DLGAP2: variants seen among roughly 807,000 people sequenced by gnomAD.
DLGAP2 encodes the protein disks large-associated protein 2.
In DLGAP2, 26 loss-of-function variants were observed where a neutral mutation model predicts 100.3. The observed-to-expected ratio is 0.26, with a 90% CI of 0.19 to 0.36. The LOEUF is 0.36. Among genes scored for constraint, DLGAP2 ranks in the 10% least tolerant of loss-of-function variants. The pLI is 1.00. For missense variants in DLGAP2, 1,858 were observed against 1,453.2 expected, an observed-to-expected ratio of 1.28 and a Z score of -4.53; for synonymous variants, 886 against 630.1, an observed-to-expected ratio of 1.41 and a Z score of -6.08.
intron 3 of DLGAP2, among the ~76,000 whole-genome samples, chr8:1,350,001 A>G (rs1456575904): frequency 6.6e-6 from 1 of 152,210 alleles, no homozygotes; most frequent in Non-Finnish European, 1.5e-5. Context: ...AACAACACAT[A>G]TAACCTTACA....
chr8:976,788 C>A (rs143676184), intron 2 of DLGAP2, among the ~76,000 whole-genome samples: 18 of 152,164 alleles, frequency 1.2e-4, no homozygotes, highest in African/African-American at 4.1e-4. Flanking sequence ...AAAAACATAA[C>A]TGAAAATAGA....
intron 2 of DLGAP2, among the ~76,000 whole-genome samples, chr8:1,222,164 G>C (rs1483468705): frequency 2.6e-5 from 4 of 152,206 alleles, no homozygotes; most frequent in South Asian, 2.1e-4. Context: ...CTGGCTTTTA[G>C]AGTTACCAGA....
At chr8:1,213,556 G>A (rs189434074) in intron 2 of DLGAP2, among the ~76,000 whole-genome samples, 2 of 152,258 alleles carry the variant, frequency 1.3e-5, no homozygotes, top group East Asian at 3.9e-4. Flanking sequence ...GTATTCCTAA[G>A]ATTGCTGGGT....
At chr8:1,349,150 G>A (rs181684641) in intron 3 of DLGAP2, among the ~76,000 whole-genome samples, 9 of 150,946 alleles carry the variant, frequency 6.0e-5, no homozygotes, top group Non-Finnish European at 1.0e-4. Flanking sequence ...TTCCCTTCCC[G>A]TTCACCTAAA....
intron 3 of DLGAP2, among the ~76,000 whole-genome samples, chr8:1,484,898 C>A (rs1012723787): frequency 6.6e-6 from 1 of 152,216 alleles, no homozygotes; most frequent in Non-Finnish European, 1.5e-5. Context: ...AGCCCCCTCC[C>A]CTTCCTGCTC....
At chr8:973,784 A>T (rs1800086522) in intron 2 of DLGAP2, among the ~76,000 whole-genome samples, 1 of 151,978 alleles carries the variant, frequency 6.6e-6, no homozygotes, top group East Asian at 1.9e-4. Flanking sequence ...GCGGAGGCGA[A>T]TCCGGAGCGC....
At chr8:1,338,562 TCTTGCACAC>T (rs771440961) in intron 3 of DLGAP2, among the ~76,000 whole-genome samples, 12 of 152,232 alleles carry the variant, frequency 7.9e-5, no homozygotes, top group Non-Finnish European at 1.6e-4. Flanking sequence ...TAGCGGTGAT[TCTTGCACAC>T]CTTTGTGAAT....
At chr8:1,089,153 T>C (rs1192717617) in intron 2 of DLGAP2, among the ~76,000 whole-genome samples, 1 of 143,064 alleles carries the variant, frequency 7.0e-6, no homozygotes, top group African/African-American at 2.7e-5. Context: ...TATGCAATTC[T>C]CGCTCCCCGG....
intron 3 of DLGAP2, among the ~76,000 whole-genome samples, chr8:1,478,585 C>A (rs192250609): frequency 3.3e-5 from 5 of 152,196 alleles, no homozygotes; most frequent in African/African-American, 4.8e-5. Flanking sequence ...AGATCTGGTC[C>A]GGGACGCGGC....
chr8:1,323,802 C>T (rs1458709174), intron 3 of DLGAP2, among the ~76,000 whole-genome samples: 3 of 152,222 alleles, frequency 2.0e-5, no homozygotes, highest in South Asian at 2.1e-4. Context: ...AAGAGTTTCA[C>T]ATCGTGTTTC....
At chr8:1,422,980 C>T (rs1394451132) in intron 3 of DLGAP2, among the ~76,000 whole-genome samples, 4 of 152,084 alleles carry the variant, frequency 2.6e-5, no homozygotes, top group African/African-American at 7.2e-5. Context: ...GTGCAGGTGG[C>T]CTGGTATATG....
chr8:795,858 CA>C lies in DLGAP2; in HGVS notation c.18+58034del. Among the ~76,000 whole-genome samples, 3 of 131,284 alleles carry C rather than the reference CA, an allele frequency of 2.3e-5. 1 individual carries two copies. The highest frequency in any genetic ancestry group is 3.3e-5 in the Non-Finnish European group (2 of 60,942). The allele number at this position is 131,284 out of a possible 152,430, so 86.1% of individuals were successfully genotyped here. Reference sequence around the variant, plus strand: ...CAGCTGTCCGGTGAGAGCAGGCGTCCAGTGAGAGCAGGCGTCCAGTGAGAGC... The same window carrying C: ...CAGCTGTCCGGTGAGAGCAGGCGTCCGTGAGAGCAGGCGTCCAGTGAGAGC... On this transcript the variant is annotated intron_variant, in intron 1 of 14. Coordinates refer to ENST00000637795, the MANE Select transcript of DLGAP2 (RefSeq NM_001346810.2).
chr8:916,478 A>G (rs1798596028), intron 2 of DLGAP2, among the ~76,000 whole-genome samples: 1 of 152,220 alleles, frequency 6.6e-6, no homozygotes, highest in South Asian at 2.1e-4. Flanking sequence ...TTGAACAATG[A>G]GAACAGTTGG....
chr8:1,321,025 G>C (rs1208951858), intron 3 of DLGAP2, among the ~76,000 whole-genome samples: 1 of 151,182 alleles, frequency 6.6e-6, no homozygotes, highest in Admixed American at 6.6e-5. Context: ...GCATCCGTGT[G>C]CCTCTGTGCC....
intron 8 of DLGAP2, among the ~76,000 whole-genome samples, chr8:1,658,151 A>G (rs748245328): frequency 1.3e-5 from 2 of 152,046 alleles, no homozygotes; most frequent in Non-Finnish European, 2.9e-5. Context: ...TATTATGCAA[A>G]TGAGGGCTCC....
chr8:838,967 A>G (rs1796932506), intron 1 of DLGAP2, among the ~76,000 whole-genome samples: 1 of 152,190 alleles, frequency 6.6e-6, no homozygotes, highest in Admixed American at 6.5e-5. Context: ...TAGATGCTCA[A>G]AATTCTCATC....
In DLGAP2 at chr8:1,558,263, A is replaced by G. The variant is rs554071675; in HGVS notation, c.1231-7420A>G. Among the ~76,000 whole-genome samples, 5 of 152,344 alleles carry G rather than the reference A, an allele frequency of 3.3e-5. No individual in the cohort carries two copies. The East Asian group carries it at 9.7e-4, about 29-fold the overall frequency. On this transcript the variant is annotated intron_variant, in intron 5 of 14. Transcript: ENST00000637795. ...CCAAAGGGCCCAGTCACGTGTGCCC[A>G]GTCGCAGGCGGCTTAGATGGGGGTT...
At chr8:1,602,668 C>T (rs1796666087) in intron 6 of DLGAP2, among the ~76,000 whole-genome samples, 1 of 152,210 alleles carries the variant, frequency 6.6e-6, no homozygotes, top group Non-Finnish European at 1.5e-5. Flanking sequence ...AGCAAGGAAG[C>T]CCCTCCTTCC....
rs191589296 is a variant in DLGAP2 at position 1,392,145 on chromosome 8, T to G, written c.107-109221T>G. ...TCTACATCTCTAATTTTTCAGAGGC[T>G]GGGGTGGGCCTAGAAAACAAGACCC... On this transcript the variant is annotated intron_variant, in intron 3 of 14. Coordinates refer to ENST00000637795, the MANE Select transcript of DLGAP2 (RefSeq NM_001346810.2). Among the ~76,000 whole-genome samples the G allele has an allele frequency of 1.0e-3, 157 of 152,326 alleles. 2 individuals are homozygous for G. Among genetic ancestry groups the G allele is most frequent in the African/African-American group, 3.5e-3 (147 of 41,578 alleles).
Sources: gnomAD v4.1 joint callset for allele counts (sites outside exome capture counted in the v4.1 genomes callset) on GRCh38, gnomAD v4.1.1 for gene constraint, MANE v1.5 for transcripts, NCBI Gene and HGNC (gene_info 2026-07-23, HGNC 2026-07-21) for gene names.